CDH13: variants seen among roughly 807,000 people sequenced by gnomAD.
CDH13 encodes the protein cadherin-13.
CDH13 carries 24 observed loss-of-function variants against 63.8 expected under a neutral mutation model. That is an observed-to-expected ratio of 0.38 (90% confidence interval 0.27 to 0.53). The LOEUF is 0.53. CDH13 is among the 20% of genes least tolerant of loss of function. CDH13 has a pLI of 0.85. For synonymous variants in CDH13, 503 were observed against 355.3 expected, an observed-to-expected ratio of 1.42 and a Z score of -4.67; for missense variants, 1,049 against 903.1, an observed-to-expected ratio of 1.16 and a Z score of -2.07.
chr16:83,215,605 A>G (rs1284339398), intron 4 of CDH13, among the ~76,000 whole-genome samples: 1 of 151,092 alleles, frequency 6.6e-6, no homozygotes, highest in African/African-American at 2.4e-5. Flanking sequence ...CAGACATCGG[A>G]ATTGCAGGCT....
At chr16:82,668,090 G>T (rs542723352) in intron 1 of CDH13, among the ~76,000 whole-genome samples, 1 of 152,214 alleles carries the variant, frequency 6.6e-6, no homozygotes, top group East Asian at 1.9e-4. Flanking sequence ...ATGTAGGATG[G>T]CTATACCCTG....
intron 2 of CDH13, among the ~76,000 whole-genome samples, chr16:82,992,350 C>T (rs751658508): frequency 6.6e-6 from 1 of 152,166 alleles, no homozygotes; most frequent in Non-Finnish European, 1.5e-5. Context: ...ATTTTCAAGA[C>T]TCCATTAAAT....
intron 1 of CDH13, among the ~76,000 whole-genome samples, chr16:82,708,459 A>G (rs1245759759): frequency 2.0e-5 from 3 of 152,130 alleles, no homozygotes; most frequent in Admixed American, 6.5e-5. Context: ...CTCACTCTCC[A>G]TCTCTCACAC....
intron 3 of CDH13, among the ~76,000 whole-genome samples, chr16:83,113,860 G>A (rs536366680): frequency 3.3e-5 from 5 of 152,270 alleles, no homozygotes; most frequent in African/African-American, 9.6e-5. Context: ...AGGTCAGAGT[G>A]GTCATCGGGA....
chr16:82,650,126 T>G (rs1910556754), intron 1 of CDH13, among the ~76,000 whole-genome samples: 1 of 152,178 alleles, frequency 6.6e-6, no homozygotes, highest in South Asian at 2.1e-4. Flanking sequence ...AGTAGTTACC[T>G]CTCCTGTCTT....
At chr16:82,870,431 G>A (rs529372501) in intron 2 of CDH13, among the ~76,000 whole-genome samples, 3 of 152,028 alleles carry the variant, frequency 2.0e-5, no homozygotes, top group Non-Finnish European at 4.4e-5. Context: ...ACTAAAAATA[G>A]AACTACTATA....
intron 1 of CDH13, among the ~76,000 whole-genome samples, chr16:82,828,716 A>G (rs1188151635): frequency 6.6e-6 from 1 of 152,150 alleles, no homozygotes; most frequent in East Asian, 1.9e-4. Flanking sequence ...ATACACACAC[A>G]CATTCAAAGA....
intron 2 of CDH13, among the ~76,000 whole-genome samples, chr16:82,877,872 C>A (rs192274666): frequency 6.7e-6 from 1 of 148,204 alleles, no homozygotes; most frequent in South Asian, 2.2e-4. Flanking sequence ...GGACTCAAAC[C>A]CTGTCATGAT....
intron 1 of CDH13, among the ~76,000 whole-genome samples, chr16:82,697,631 T>C (rs139789422): frequency 0.013 from 2,000 of 151,960 alleles, 42 homozygotes; most frequent in African/African-American, 0.044. Flanking sequence ...GATTTCACCA[T>C]GTAGACCAGG....
chr16:82,769,441 C>A (rs1597515041), intron 1 of CDH13, among the ~76,000 whole-genome samples: 2 of 152,164 alleles, frequency 1.3e-5, no homozygotes, highest in African/African-American at 4.8e-5. Context: ...AAAAAGGCTT[C>A]ATGCCCTCAG....
intron 1 of CDH13, among the ~76,000 whole-genome samples, chr16:82,692,448 G>C (rs1049815266): frequency 5.9e-5 from 9 of 152,206 alleles, no homozygotes; most frequent in Admixed American, 5.2e-4. Flanking sequence ...GCAGGCAAGA[G>C]AGCATGTGTA....
intron 4 of CDH13, among the ~76,000 whole-genome samples, chr16:83,158,715 G>A (rs1041307127): frequency 6.6e-6 from 1 of 152,222 alleles, no homozygotes; most frequent in Non-Finnish European, 1.5e-5. Context: ...CTGCTCCATG[G>A]CCAGGAAGGT....
chr16:82,959,275 A>C (rs1359361313), intron 2 of CDH13, among the ~76,000 whole-genome samples: 2 of 152,212 alleles, frequency 1.3e-5, no homozygotes. Context: ...TGGTTATGGC[A>C]ATATAATTAA....
At chr16:83,648,673 C>T (rs541749149) in intron 8 of CDH13, among the ~76,000 whole-genome samples, 4 of 152,274 alleles carry the variant, frequency 2.6e-5, no homozygotes, top group Admixed American at 6.5e-5. Context: ...GCTCTTGATT[C>T]GCTCAGATTT....
At chr16:83,362,778 T>C (rs1041422878) in intron 6 of CDH13, among the ~76,000 whole-genome samples, 2 of 152,224 alleles carry the variant, frequency 1.3e-5, no homozygotes, top group African/African-American at 4.8e-5. Flanking sequence ...GGCACTTTTA[T>C]ACTTATTCGG....
chr16:82,778,664 A>G (rs988874407), intron 1 of CDH13, among the ~76,000 whole-genome samples: 88 of 150,254 alleles, frequency 5.9e-4, no homozygotes, highest in African/African-American at 1.9e-3. Context: ...CTCCTTCCTC[A>G]CTGATTGTTA....
intron 6 of CDH13, among the ~76,000 whole-genome samples, chr16:83,421,330 G>A (rs1416041658): frequency 6.6e-6 from 1 of 152,176 alleles, no homozygotes; most frequent in East Asian, 1.9e-4. Context: ...ATAAATAAAT[G>A]TAATTAATTC....
At chr16:82,912,809 G>A (rs2041872320) in intron 2 of CDH13, among the ~76,000 whole-genome samples, 1 of 152,118 alleles carries the variant, frequency 6.6e-6, no homozygotes, top group African/African-American at 2.4e-5. Context: ...TGGGCGTGGT[G>A]GCGGGCACCT....
intron 1 of CDH13, among the ~76,000 whole-genome samples, chr16:82,629,642 G>C (rs1233376347): frequency 6.6e-6 from 1 of 152,324 alleles, no homozygotes; most frequent in African/African-American, 2.4e-5. Context: ...GTAAAGCATC[G>C]GGTCTGGCTT....
Sources: gnomAD v4.1 joint callset for allele counts (sites outside exome capture counted in the v4.1 genomes callset) on GRCh38, gnomAD v4.1.1 for gene constraint, MANE v1.5 for transcripts, NCBI Gene and HGNC (gene_info 2026-07-23, HGNC 2026-07-21) for gene names.